The following ELFN2 variants were observed in gnomAD, a reference collection of about 807,000 sequenced individuals.
ELFN2 encodes extracellular leucine rich repeat and fibronectin type III domain containing 2.
A neutral mutation model predicts 45.5 loss-of-function variants in ELFN2; 17 were observed. That is an observed-to-expected ratio of 0.37 (90% CI 0.26 to 0.56). The LOEUF (loss-of-function observed/expected upper bound fraction) is 0.56, where lower values mean the gene tolerates loss of function less well. Among genes scored for constraint, ELFN2 ranks in the 20% least tolerant of loss-of-function variants. The probability of loss-of-function intolerance (pLI) is 0.77; values close to 1 mark genes in which losing one functional copy is unlikely to be tolerated. For missense variants in ELFN2, 922 were observed against 1,183.2 expected, an observed-to-expected ratio of 0.78 and a Z score of 3.24; for synonymous variants, 550 against 551.5, an observed-to-expected ratio of 1.00 and a Z score of 0.04.
intron 2 of ELFN2, among the ~76,000 whole-genome samples, chr22:37,398,026 G>A (rs1216129813): frequency 6.6e-6 from 1 of 152,168 alleles, no homozygotes; most frequent in Non-Finnish European, 1.5e-5. Context: ...TAAGGACACA[G>A]CCAATAACAG....
intron 1 of ELFN2, among the ~76,000 whole-genome samples, chr22:37,343,500 G>A (rs531649577): frequency 1.3e-5 from 2 of 152,046 alleles, no homozygotes; most frequent in African/African-American, 2.4e-5. Context: ...CTCAGCCCCC[G>A]GCCTGGGCTC....
At chr22:37,349,250 T>C (rs9607446) in intron 1 of ELFN2, among the ~76,000 whole-genome samples, 62,819 of 150,592 alleles carry the variant, frequency 0.42, 15,039 homozygotes, top group Middle Eastern at 0.51. Flanking sequence ...TGGGTGCTTG[T>C]GAGAACCAGA....
At chr22:37,402,603 G>A (rs2145672842) in intron 2 of ELFN2, among the ~76,000 whole-genome samples, 1 of 135,112 alleles carries the variant, frequency 7.4e-6, no homozygotes, top group East Asian at 2.0e-4. Flanking sequence ...CCAAGGAAGG[G>A]GCTGTGGAGC....
At position 37,372,713 on chromosome 22, in the gene ELFN2, C is replaced by A. The variant is rs1311386361; in HGVS notation, c.*359G>T. 13 of 109,090 alleles carry A rather than the reference C, an allele frequency of 1.2e-4. No homozygotes were observed. Among genetic ancestry groups the A allele is most frequent in the Non-Finnish European group, 1.8e-4 (12 of 66,688 alleles). 6.8% of individuals were successfully genotyped at this position (109,090 alleles called of 1,614,324 possible). A position where few individuals can be genotyped will look rare whatever the true frequency, so the allele number is the denominator to read the frequency against. On this transcript the variant is annotated 3_prime_UTR_variant, in exon 3 of 3. Coordinates refer to ENST00000402918, the MANE Select transcript of ELFN2 (RefSeq NM_052906.5). The surrounding 1 kb of genome is among the most constrained non-coding windows in gnomAD (Gnocchi z 4.4). ...TTGACCCCCACACCTGTTTCTAGCCCCAGACCCCCCAGACCCCACACCCTC... is the reference window on the plus strand; with the variant it reads ...TTGACCCCCACACCTGTTTCTAGCCACAGACCCCCCAGACCCCACACCCTC...
rs1250317639 is a variant in ELFN2 at position 37,374,304 on chromosome 22, C to T, written c.1231G>A (p.Val411Met). ...ILGCLFGMVI[V>M]LGAVYYCLRK... ...AGGCAGTAGTACACGGCTCCCAGCA[C>T]GATAACCATGCCAAAGAGGCAGCCC... Residue 411 changes from valine (V) to methionine (M), a missense_variant, in exon 3 of 3, where the codon GTG (valine) becomes ATG (methionine). Val to Met is a conservative substitution (Grantham distance 21). Around this residue, in one of 2 missense-constraint regions of ELFN2, gnomAD observed 564 missense variants for 642.8 expected, o/e 0.88. Coordinates refer to ENST00000402918, the MANE Select transcript of ELFN2 (RefSeq NM_052906.5). 26 of 1,613,826 alleles carry T rather than the reference C, an allele frequency of 1.6e-5. No homozygotes were observed. The highest frequency in any genetic ancestry group is 1.6e-4 in the Middle Eastern group (1 of 6,084).
In ELFN2 at chr22:37,374,302, C is replaced by T. The variant is rs1432447568; in HGVS notation, c.1233G>A (p.Val411=). Residue 411 remains valine (V), a synonymous_variant, in exon 3 of 3, where the codon GTG becomes GTA. Transcript: ENST00000402918. ...ILGCLFGMVI[V]LGAVYYCLRK... is the part of the protein sequence containing the mutation. ...GCAGGCAGTAGTACACGGCTCCCAG[C>T]ACGATAACCATGCCAAAGAGGCAGC... is the stretch of plus-strand genomic sequence containing the variant. 1 of 1,613,816 alleles carries T rather than the reference C, an allele frequency of 6.2e-7. No individual in the cohort carries two copies. Among genetic ancestry groups the T allele is most frequent in the Non-Finnish European group, 8.5e-7 (1 of 1,179,954 alleles).
intron 2 of ELFN2, among the ~76,000 whole-genome samples, chr22:37,376,622 G>C (rs1453750679): frequency 1.3e-5 from 2 of 152,212 alleles, no homozygotes; most frequent in Non-Finnish European, 2.9e-5. Context: ...CCATGGGGGA[G>C]GGGGAGCAGA....
intron 1 of ELFN2, chr22:37,353,487 G>A (rs1024336): frequency 0.44 from 65,753 of 150,404 alleles, 16,759 homozygotes; most frequent in African/African-American, 0.58. Flanking sequence ...AGCATGGAGC[G>A]TTGTAAGCGA....
At chr22:37,419,909 G>T (rs1305302363) in intron 1 of ELFN2, among the ~76,000 whole-genome samples, 3 of 152,030 alleles carry the variant, frequency 2.0e-5, no homozygotes, top group Non-Finnish European at 1.5e-5. Flanking sequence ...AGCGCGGCCC[G>T]CCCCGCCGCC....
intron 2 of ELFN2, among the ~76,000 whole-genome samples, chr22:37,382,298 T>C (rs942997274): frequency 6.6e-6 from 1 of 152,152 alleles, no homozygotes; most frequent in African/African-American, 2.4e-5. Context: ...GTTCTCCTTT[T>C]TTTTTTCCTT....
rs1491482720 is a variant in ELFN2, at chr22:37,426,648, CAA to C, written c.-614+648_-614+649del. ...ACTGGCACGCGCTCGCACACACACA[CAA>C]ACACACACACACACACACACCCGGC... is the stretch of plus-strand genomic sequence containing the variant. On this transcript the variant is annotated intron_variant, in intron 1 of 2. Coordinates refer to ENST00000402918, the MANE Select transcript of ELFN2 (RefSeq NM_052906.5). 3.3e-4 allele frequency among the ~76,000 whole-genome samples: 41 copies of C among 124,182 alleles called. 1 individual carries two copies. Among genetic ancestry groups the C allele is most frequent in the South Asian group, 2.4e-4 (1 of 4,130 alleles). The allele number at this position is 124,182 out of a possible 152,430, so 81.5% of individuals were successfully genotyped here. A position where few individuals can be genotyped will look rare whatever the true frequency, so the allele number is the denominator to read the frequency against.
At chr22:37,386,249 C>G (rs1237201467) in intron 2 of ELFN2, among the ~76,000 whole-genome samples, 2 of 152,170 alleles carry the variant, frequency 1.3e-5, no homozygotes, top group Non-Finnish European at 2.9e-5. Flanking sequence ...GTTCCTGAAG[C>G]CACACCACAG....
At position 37,375,495 on chromosome 22, in the gene ELFN2, C is replaced by T. The variant is rs777813124; in HGVS notation, c.40G>A (p.Val14Met). 14 of 1,580,696 alleles carry T rather than the reference C, an allele frequency of 8.9e-6. No homozygotes were observed. Among genetic ancestry groups the T allele is most frequent in the South Asian group, 1.1e-5 (1 of 87,658 alleles). Residue 14 changes from valine (V) to methionine (M), a missense_variant, in exon 3 of 3, where the codon GTG (valine) becomes ATG (methionine). Physicochemically the swap from Val to Met is conservative, Grantham distance 21. Transcript: ENST00000402918. ...GCACGCACGGCACCCGGCCGGCACA[C>T]GCACAGCAGCGCCGCCGCGCACAGC... Reference protein sequence around the residue: ...LGLCAAALLCVCRPGAVRADC... With the variant: ...LGLCAAALLCMCRPGAVRADC...
intron 1 of ELFN2, among the ~76,000 whole-genome samples, chr22:37,360,318 C>T (rs532129848): frequency 2.0e-5 from 3 of 152,222 alleles, no homozygotes; most frequent in Non-Finnish European, 2.9e-5. Context: ...CCCTTGCCTG[C>T]GTTAATCAGC....
rs1932772530 is a variant in ELFN2 at position 37,417,480 on chromosome 22, A to C, written c.-463+289T>G. ...CCTGCCTCAGCCTCTCTGCCGGGTGATGGGGCAGGAGCTGGGGTCCTTGAG... is the reference window on the plus strand; with the variant it reads ...CCTGCCTCAGCCTCTCTGCCGGGTGCTGGGGCAGGAGCTGGGGTCCTTGAG... On this transcript the variant is annotated intron_variant, in intron 2 of 2. Transcript: ENST00000402918. The surrounding 1 kb of genome is among the most constrained non-coding windows in gnomAD (Gnocchi z 4.5). Among the ~76,000 whole-genome samples, 1 of 152,182 alleles carries C rather than the reference A, an allele frequency of 6.6e-6. No homozygotes were observed. The highest frequency in any genetic ancestry group is 2.4e-5 in the African/African-American group (1 of 41,460).
chr22:37,389,882 G>A (rs1446695206), intron 2 of ELFN2, among the ~76,000 whole-genome samples: 2 of 152,206 alleles, frequency 1.3e-5, no homozygotes, highest in Admixed American at 1.3e-4. Flanking sequence ...ATTGCGCTCA[G>A]GGCGGCCAGT....
chr22:37,390,656 C>A (rs1932066339), intron 2 of ELFN2, among the ~76,000 whole-genome samples: 2 of 152,202 alleles, frequency 1.3e-5, no homozygotes, highest in South Asian at 4.1e-4. Flanking sequence ...TCAGTAGAGA[C>A]TATAAATACA....
At chr22:37,357,922 G>A (rs902093496) in intron 1 of ELFN2, among the ~76,000 whole-genome samples, 1 of 152,184 alleles carries the variant, frequency 6.6e-6, no homozygotes, top group Non-Finnish European at 1.5e-5. Flanking sequence ...ACATCACCCT[G>A]CACGCATCTG....
intron 1 of ELFN2, among the ~76,000 whole-genome samples, chr22:37,426,054 T>C (rs539628919): frequency 6.6e-6 from 1 of 151,882 alleles, no homozygotes; most frequent in East Asian, 1.9e-4. Flanking sequence ...GGCCTGCTGA[T>C]AGCGACAGCC....
Sources: gnomAD v4.1 joint callset for allele counts (sites outside exome capture counted in the v4.1 genomes callset) on GRCh38, gnomAD v4.1.1 for gene constraint, gnomAD v4.1.1 regional missense constraint, Gnocchi (gnomAD v3.1) non-coding constraint, MANE v1.5 for transcripts, NCBI Gene and HGNC (gene_info 2026-07-23, HGNC 2026-07-21) for gene names.